CFAP47: variants seen among roughly 807,000 people sequenced by gnomAD.
CFAP47 encodes the protein cilia- and flagella-associated protein 47.
A neutral mutation model predicts 148.1 loss-of-function variants in CFAP47; 29 were observed. That is an observed-to-expected ratio of 0.20 (90% CI 0.15 to 0.27). CFAP47 has a LOEUF of 0.27. Among genes scored for constraint, CFAP47 ranks in the 10% least tolerant of loss-of-function variants. The probability of loss-of-function intolerance (pLI) is 1.00; values close to 1 mark genes in which losing one functional copy is unlikely to be tolerated. For missense variants in CFAP47, 1,872 were observed against 1,697.5 expected (o/e 1.10, Z -1.81); for synonymous variants, 664 against 577.3 (o/e 1.15, Z -2.15).
At chrX:36,052,277 T>C (rs1284004829) in intron 26 of CFAP47, among the ~76,000 whole-genome samples, 4 of 112,014 alleles carry the variant, frequency 3.6e-5, no homozygotes, top group Non-Finnish European at 5.6e-5. Flanking sequence ...GGATGAGATA[T>C]AGCATAGTAG....
intron 23 of CFAP47, among the ~76,000 whole-genome samples, chrX:36,035,261 T>C (rs1190755497): frequency 8.9e-6 from 1 of 111,819 alleles, no homozygotes; most frequent in Admixed American, 9.6e-5. Context: ...TCTTTAGCCT[T>C]GTAGCTTTCA....
intron 40 of CFAP47, among the ~76,000 whole-genome samples, chrX:36,185,632 T>G (rs1939798593): frequency 8.9e-6 from 1 of 112,237 alleles, no homozygotes; most frequent in African/African-American, 3.2e-5. Flanking sequence ...CTGCATGGGC[T>G]GCCATAACAA....
In CFAP47 at chrX:36,233,185, T is replaced by C. The variant is rs1413948611; in HGVS notation, c.7015-2749T>C. 5.4e-5 allele frequency among the ~76,000 whole-genome samples: 6 copies of C among 111,366 alleles called. No individual in the cohort carries two copies. In the South Asian group the frequency reaches 1.1e-3, roughly 21 times the overall value. ...TGGATATCCTTGTTAATCTTCTGTCTCGTAGATCTGTCTAATGTTGAGAGT... is the reference window on the plus strand; with the variant it reads ...TGGATATCCTTGTTAATCTTCTGTCCCGTAGATCTGTCTAATGTTGAGAGT... On this transcript the variant is annotated intron_variant, in intron 46 of 63. Coordinates refer to ENST00000378653, the MANE Select transcript of CFAP47 (RefSeq NM_001304548.2).
intron 48 of CFAP47, among the ~76,000 whole-genome samples, chrX:36,241,867 A>G (rs1940549021): frequency 8.9e-6 from 1 of 112,030 alleles, no homozygotes; most frequent in African/African-American, 3.3e-5. Flanking sequence ...AACAAAAGAA[A>G]TGTGGGTGCA....
At chrX:36,196,496 A>G (rs1555987268) in intron 42 of CFAP47, among the ~76,000 whole-genome samples, 1 of 111,210 alleles carries the variant, frequency 9.0e-6, no homozygotes, top group African/African-American at 3.3e-5. Flanking sequence ...GGGAAGATTG[A>G]GGTTATTTGT....
intron 48 of CFAP47, among the ~76,000 whole-genome samples, chrX:36,242,954 A>G (rs1940564271): frequency 8.9e-6 from 1 of 111,759 alleles, no homozygotes; most frequent in Non-Finnish European, 1.9e-5. Context: ...CATAGAAAGG[A>G]CACCTGATCG....
At chrX:35,948,800 C>T (rs73629581) in intron 4 of CFAP47, among the ~76,000 whole-genome samples, 8,329 of 84,918 alleles carry the variant, frequency 0.098, 930 homozygotes, top group African/African-American at 0.35. Context: ...TGTGTGTGTG[C>T]GTGTGTGTGT....
intron 39 of CFAP47, among the ~76,000 whole-genome samples, chrX:36,173,136 A>C (rs1463978938): frequency 9.0e-6 from 1 of 111,358 alleles, no homozygotes; most frequent in African/African-American, 3.3e-5. Context: ...CTGTGGGATC[A>C]GTGGTGATAT....
chrX:36,173,288 T>C lies in CFAP47; in HGVS notation c.6027-6057T>C, dbSNP rs1416932179. Among the ~76,000 whole-genome samples the C allele has an allele frequency of 4.0e-4, 45 of 111,993 alleles. 1 individual carries two copies. The highest frequency in any genetic ancestry group is 7.3e-4 in the Non-Finnish European group (39 of 53,213). On this transcript the variant is annotated intron_variant, in intron 39 of 63. Transcript: ENST00000378653. ...TTAATTTTTTGAAGGGTTTCTTTTG[T>C]CTCTATTTCCTTCAGTTCTGCTCTG...
intron 16 of CFAP47, 143 bp downstream of exon 16, chrX:35,989,592 C>T: frequency 8.8e-7 from 1 of 1,129,944 alleles, no homozygotes; most frequent in Middle Eastern, 3.5e-4. Context: ...TTTGTTAGAG[C>T]CTCTATAAAT....
chrX:36,209,443 A>C (rs1555989198), intron 45 of CFAP47, among the ~76,000 whole-genome samples: 1 of 111,792 alleles, frequency 8.9e-6, no homozygotes, highest in Non-Finnish European at 1.9e-5. Flanking sequence ...CTGGAAGAAA[A>C]TCAGTAACCC....
chrX:36,350,889 C>T (rs1303093452), intron 59 of CFAP47, among the ~76,000 whole-genome samples: 1 of 111,002 alleles, frequency 9.0e-6, no homozygotes, highest in Non-Finnish European at 1.9e-5. Context: ...AGATGGCATT[C>T]TGCATCACTA....
At chrX:36,079,448 T>C in intron 29 of CFAP47, among the ~76,000 whole-genome samples, 1 of 111,597 alleles carries the variant, frequency 9.0e-6, no homozygotes, top group East Asian at 2.8e-4. Context: ...ACTGATACCC[T>C]TTCTTCCACT....
rs1339667296 is a variant in CFAP47, at chrX:35,989,424, C to T, written c.2819C>T (p.Ala940Val). Residue 940 changes from alanine to valine, a missense_variant, in exon 16 of 64, where the codon GCG (alanine) becomes GTG (valine). Coordinates refer to ENST00000378653, the MANE Select transcript of CFAP47 (RefSeq NM_001304548.2). The stretch of plus-strand genomic sequence containing the variant: ...ATTCTTCATGTCTTTCAAGGAAACG[C>T]GTTGAAGCTAAAATGTGTTGCACAT... Reference protein sequence around the residue: ...EFILHVFQGNALKLKCVAHLG... With the variant: ...EFILHVFQGNVLKLKCVAHLG... The T allele has an allele frequency of 1.5e-5, 18 of 1,208,483 alleles. No individual in the cohort carries two copies. Among genetic ancestry groups the T allele is most frequent in the Middle Eastern group, 2.3e-4 (1 of 4,343 alleles).
chrX:36,251,537 C>T (rs1940692958), intron 49 of CFAP47, 93 bp downstream of exon 49: 4 of 374,632 alleles, frequency 1.1e-5, no homozygotes, highest in Non-Finnish European at 1.8e-5. Context: ...TGTATTTCCA[C>T]TTTCTATTAA....
intron 62 of CFAP47, among the ~76,000 whole-genome samples, chrX:36,376,584 G>A (rs1556022999): frequency 8.9e-6 from 1 of 111,819 alleles, no homozygotes; most frequent in Non-Finnish European, 1.9e-5. Flanking sequence ...TGGCAAGAGG[G>A]TGCCAATAAT....
intron 49 of CFAP47, among the ~76,000 whole-genome samples, chrX:36,260,184 TAAAC>T (rs1186783464): frequency 8.9e-6 from 1 of 111,845 alleles, no homozygotes; most frequent in Non-Finnish European, 1.9e-5. Context: ...AGCCCTGTGA[TAAAC>T]AATATGAGCA....
intron 39 of CFAP47, among the ~76,000 whole-genome samples, chrX:36,164,612 A>G (rs1338792495): frequency 1.8e-5 from 2 of 111,211 alleles, no homozygotes; most frequent in African/African-American, 6.5e-5. Flanking sequence ...TTTTGTTTTA[A>G]TAGCTTCATT....
At chrX:36,358,424 A>G (rs1486163030) in intron 60 of CFAP47, among the ~76,000 whole-genome samples, 2 of 111,875 alleles carry the variant, frequency 1.8e-5, no homozygotes, top group African/African-American at 6.5e-5. Context: ...ATTCCTATGC[A>G]CAAATTATGT....
Sources: gnomAD v4.1 joint callset for allele counts (sites outside exome capture counted in the v4.1 genomes callset) on GRCh38, gnomAD v4.1.1 for gene constraint, MANE v1.5 for transcripts, NCBI Gene and HGNC (gene_info 2026-07-23, HGNC 2026-07-21) for gene names.